Variants in MYOF observed in about 807,000 individuals in gnomAD.
MYOF encodes the protein myoferlin, also known as fer-1-like 3, myoferlin.
A neutral mutation model predicts 284.2 loss-of-function variants in MYOF; 244 were observed. The ratio of observed to expected loss-of-function variants is 0.86; its 90% CI spans 0.77 to 0.95. The LOEUF (loss-of-function observed/expected upper bound fraction) is 0.95. Among genes scored for constraint, MYOF ranks in the 40% least tolerant of loss-of-function variants. The probability of loss-of-function intolerance (pLI) is 0.00; values close to 1 mark genes in which losing one functional copy is unlikely to be tolerated. For synonymous variants in MYOF, 904 were observed against 919.7 expected, an observed-to-expected ratio of 0.98 and a Z score of 0.31; for missense variants, 2,496 against 2,560.6, an observed-to-expected ratio of 0.97 and a Z score of 0.54.
chr10:93,352,153 G>T (rs1222558568), intron 32 of MYOF, among the ~76,000 whole-genome samples: 1 of 152,178 alleles, frequency 6.6e-6, no homozygotes, highest in African/African-American at 2.4e-5. Flanking sequence ...GTGAGGCTCT[G>T]CAGTCAGATA....
chr10:93,435,181 T>C (rs7075880), intron 3 of MYOF, among the ~76,000 whole-genome samples: 21,551 of 152,198 alleles, frequency 0.14, 1,635 homozygotes, highest in Middle Eastern at 0.2. Context: ...CACACTTGAA[T>C]ATGTACTGAT....
At position 93,379,866 on chromosome 10, in the gene MYOF, C is replaced by A. The variant is rs1364968984; in HGVS notation, c.1998G>T (p.Arg666=). 1 of 1,613,298 alleles carries A rather than the reference C, an allele frequency of 6.2e-7. No individual in the cohort carries two copies. The highest frequency in any genetic ancestry group is 1.3e-5 in the African/African-American group (1 of 74,900). ...ATGCAGAAAAAGAGAAACTTACCAGCCGTTCTGCCATAGCTAGGAGAGTGT... is the reference window on the plus strand; with the variant it reads ...ATGCAGAAAAAGAGAAACTTACCAGACGTTCTGCCATAGCTAGGAGAGTGT... ...AVNTLLAMAE[R]LQTNIEALKS... is the part of the protein sequence containing the mutation. Residue 666 remains arginine, a synonymous_variant, in exon 21 of 54, where the codon CGG becomes CGT. Transcript: ENST00000359263.
chr10:93,327,761 G>T (rs905440939), intron 45 of MYOF, among the ~76,000 whole-genome samples: 12 of 151,938 alleles, frequency 7.9e-5, no homozygotes, highest in South Asian at 2.1e-4. Context: ...AAGTTTTTTT[G>T]TTTGTTTGTT....
At chr10:93,342,883 G>C (rs1269309277) in intron 38 of MYOF, among the ~76,000 whole-genome samples, 1 of 152,182 alleles carries the variant, frequency 6.6e-6, no homozygotes, top group East Asian at 1.9e-4. Context: ...TTTACAAAGT[G>C]ATCACAGTAG....
At position 93,306,882 on chromosome 10, in the gene MYOF, C is replaced by T. The variant is rs1405917972; in HGVS notation, c.*81G>A. ...TGCTACTGGGGTGTGGTCTCAGACA[C>T]AAAATCACACTGGATGTTGGTCTAC... is the stretch of plus-strand genomic sequence containing the variant. On this transcript the variant is annotated 3_prime_UTR_variant, in exon 54 of 54. Coordinates refer to ENST00000359263, the MANE Select transcript of MYOF (RefSeq NM_013451.4). 1 of 1,460,402 alleles carries T rather than the reference C, an allele frequency of 6.8e-7. No individual in the cohort carries two copies. The highest frequency in any genetic ancestry group is 1.4e-5 in the African/African-American group (1 of 71,078). 90.5% of individuals were successfully genotyped at this position (1,460,402 alleles called of 1,614,324 possible).
At chr10:93,319,637 ATG>A (rs1394425824) in intron 49 of MYOF, among the ~76,000 whole-genome samples, 1 of 152,096 alleles carries the variant, frequency 6.6e-6, no homozygotes, top group African/African-American at 2.4e-5. Context: ...CGCCACCAGT[ATG>A]TGAGTATGTG....
intron 7 of MYOF, among the ~76,000 whole-genome samples, chr10:93,408,478 A>T (rs1260283152): frequency 6.6e-6 from 1 of 151,752 alleles, no homozygotes; most frequent in Non-Finnish European, 1.5e-5. Context: ...TGGAGGTTGC[A>T]GTGAGCCGAG....
chr10:93,345,817 C>T (rs1844160809), intron 37 of MYOF, among the ~76,000 whole-genome samples: 2 of 152,190 alleles, frequency 1.3e-5, no homozygotes, highest in Admixed American at 6.5e-5. Context: ...TTTTCCTTTT[C>T]TGGGGCTCTC....
chr10:93,428,933 G>A (rs1848718219), intron 4 of MYOF, among the ~76,000 whole-genome samples: 1 of 152,132 alleles, frequency 6.6e-6, no homozygotes. Context: ...GTGCTCCAGG[G>A]ACCCCCAAAA....
chr10:93,351,181 G>C lies in MYOF; in HGVS notation c.3921+16C>G. 3 of 1,610,542 alleles carry C rather than the reference G, an allele frequency of 1.9e-6. No homozygotes were observed. The highest frequency in any genetic ancestry group is 1.3e-5 in the African/African-American group (1 of 74,950). ...ATCCGTTTGATTTGATGAGTAACAC[G>C]TGGGGAGCAGCATACCTCAATGGCA... is the stretch of plus-strand genomic sequence containing the variant. On this transcript the variant is annotated intron_variant, in intron 35 of 53. Transcript: ENST00000359263.
chr10:93,366,700 A>G, intron 25 of MYOF, 145 bp from the exon 26 acceptor site: 2 of 642,726 alleles, frequency 3.1e-6, no homozygotes, highest in South Asian at 4.3e-5. Context: ...GTATGGACCT[A>G]ACTTGAGCTA....
At chr10:93,469,857 C>T (rs1198295392) in intron 1 of MYOF, among the ~76,000 whole-genome samples, 6 of 152,200 alleles carry the variant, frequency 3.9e-5, no homozygotes, top group Non-Finnish European at 8.8e-5. Flanking sequence ...ATTTCACCCA[C>T]TCTACCCGAG....
intron 3 of MYOF, among the ~76,000 whole-genome samples, chr10:93,450,848 T>C (rs1589590413): frequency 7.6e-6 from 1 of 130,928 alleles, no homozygotes; most frequent in Non-Finnish European, 1.5e-5. Context: ...AATATCACGC[T>C]TTTTTTGGCC....
In MYOF at chr10:93,351,253, T is replaced by C. The variant is rs760353683; in HGVS notation, c.3865A>G (p.Asn1289Asp). The C allele has an allele frequency of 1.4e-5, 22 of 1,613,834 alleles. No homozygotes were observed. Among genetic ancestry groups the C allele is most frequent in the Non-Finnish European group, 1.7e-5 (20 of 1,180,012 alleles). Residue 1289 changes from asparagine (N) to aspartate (D), a missense_variant, in exon 35 of 54, where the codon AAT becomes GAT. Physicochemically the swap from Asn to Asp is conservative, Grantham distance 23. Coordinates refer to ENST00000359263, the MANE Select transcript of MYOF (RefSeq NM_013451.4). The part of the protein sequence containing the change: ...LPILPPQRAP[N>D]LYMVPQGIRP... ...ATCCCCTGGGGGACCATGTATAGAT[T>C]TGGCGCCCTTTGAGGGGGAAGAATG... is the stretch of plus-strand genomic sequence containing the variant.
At chr10:93,393,034 C>T in intron 16 of MYOF, 79 bp from the exon 17 acceptor site, 1 of 1,283,756 alleles carries the variant, frequency 7.8e-7, no homozygotes, top group Non-Finnish European at 1.1e-6. Context: ...TTAATCAAAT[C>T]CAGTGCCAGG....
chr10:93,480,716 T>A lies in MYOF; in HGVS notation c.88+1391A>T, dbSNP rs528404316. 3.3e-5 allele frequency among the ~76,000 whole-genome samples: 5 copies of A among 152,222 alleles called. No individual in the cohort carries two copies. The South Asian group carries it at 1.0e-3, about 32-fold the overall frequency. The stretch of plus-strand genomic sequence containing the variant: ...GTCTCGAACTCCTGCCCTCATGTGA[T>A]CCACCCACCTCAGCCTCCCAAAGTT... On this transcript the variant is annotated intron_variant, in intron 1 of 53. Transcript: ENST00000359263.
intron 38 of MYOF, among the ~76,000 whole-genome samples, chr10:93,341,681 G>T (rs1564632703): frequency 6.6e-6 from 1 of 152,236 alleles, no homozygotes; most frequent in Non-Finnish European, 1.5e-5. Flanking sequence ...AAAGGTTATG[G>T]AAGCAACTGA....
intron 26 of MYOF, among the ~76,000 whole-genome samples, chr10:93,365,265 A>G (rs2133942516): frequency 6.6e-6 from 1 of 152,332 alleles, no homozygotes; most frequent in African/African-American, 2.4e-5. Flanking sequence ...CAACTTCACA[A>G]GGTTTTTCCC....
At chr10:93,399,856 G>A (rs970368352) in intron 12 of MYOF, among the ~76,000 whole-genome samples, 60 of 142,888 alleles carry the variant, frequency 4.2e-4, no homozygotes, top group African/African-American at 1.5e-3. Context: ...TGGTGACAGA[G>A]CAAGACTCCA....
Sources: gnomAD v4.1 joint callset for allele counts (sites outside exome capture counted in the v4.1 genomes callset) on GRCh38, gnomAD v4.1.1 for gene constraint, MANE v1.5 for transcripts, NCBI Gene and HGNC (gene_info 2026-07-23, HGNC 2026-07-21) for gene names.